TYW1: variants seen among roughly 807,000 people sequenced by gnomAD.
TYW1 encodes the protein S-adenosyl-L-methionine-dependent tRNA 4-demethylwyosine synthase TYW1.
A neutral mutation model predicts 96.2 loss-of-function variants in TYW1; 46 were observed. The ratio of observed to expected loss-of-function variants is 0.48; its 90% CI spans 0.38 to 0.61. TYW1 has a LOEUF of 0.61. Ranked by LOEUF, TYW1 falls within the 20% of genes least tolerant of loss-of-function variation. TYW1 has a pLI of 0.00. For missense variants in TYW1, 684 were observed against 909.6 expected, an observed-to-expected ratio of 0.75 and a Z score of 3.19; for synonymous variants, 274 against 323.0, an observed-to-expected ratio of 0.85 and a Z score of 1.63.
At chr7:67,214,372 T>A (rs188678216) in intron 15 of TYW1, among the ~76,000 whole-genome samples, 1 of 152,190 alleles carries the variant, frequency 6.6e-6, no homozygotes, top group Non-Finnish European at 1.5e-5. Flanking sequence ...CTATAATCAC[T>A]TGTTAGTTCC....
chr7:67,001,040 T>C lies in TYW1; in HGVS notation c.273+2086T>C, dbSNP rs1401034900. 6.6e-5 allele frequency among the ~76,000 whole-genome samples: 10 copies of C among 152,106 alleles called. No individual in the cohort carries two copies. The East Asian group carries it at 1.9e-3, about 29-fold the overall frequency. On this transcript the variant is annotated intron_variant, in intron 3 of 15. Coordinates refer to ENST00000359626, the MANE Select transcript of TYW1 (RefSeq NM_018264.4). Reference sequence around the variant, plus strand: ...CAAAGCAAAGTCCTTTTAATGTTACTTATAAAAAACCTTTTTCAGAGCCTC... The same window carrying C: ...CAAAGCAAAGTCCTTTTAATGTTACCTATAAAAAACCTTTTTCAGAGCCTC...
intron 15 of TYW1, among the ~76,000 whole-genome samples, chr7:67,219,179 G>A (rs1354778631): frequency 1.6e-4 from 24 of 152,098 alleles, no homozygotes; most frequent in Admixed American, 1.6e-3. Context: ...TGTGGTTTTT[G>A]TCCTTCATTC....
intron 13 of TYW1, among the ~76,000 whole-genome samples, chr7:67,120,713 A>C (rs1240686653): frequency 6.6e-6 from 1 of 152,344 alleles, no homozygotes; most frequent in African/African-American, 2.4e-5. Flanking sequence ...GATGACAAGG[A>C]AACATTAACA....
At chr7:67,139,203 C>T (rs541760480) in intron 13 of TYW1, among the ~76,000 whole-genome samples, 10 of 152,216 alleles carry the variant, frequency 6.6e-5, no homozygotes, top group African/African-American at 2.4e-4. Flanking sequence ...AGGTGCACGC[C>T]GCCACACCCG....
chr7:67,130,294 T>TC (rs1798027918), intron 13 of TYW1, among the ~76,000 whole-genome samples: 1 of 151,810 alleles, frequency 6.6e-6, no homozygotes, highest in African/African-American at 2.4e-5. Context: ...GGCAGGAGAA[T>TC]CACCTGAACC....
chr7:67,011,869 G>A (rs12540917), intron 4 of TYW1, among the ~76,000 whole-genome samples: 55,507 of 144,448 alleles, frequency 0.38, 10,886 homozygotes, highest in Middle Eastern at 0.53. Context: ...GCAAATCTCC[G>A]TCTCAAAAAA....
intron 12 of TYW1, 88 bp downstream of exon 12, chr7:67,098,806 G>A (rs963342120): frequency 6.7e-5 from 89 of 1,334,180 alleles, no homozygotes; most frequent in Non-Finnish European, 1.1e-5. Flanking sequence ...AATCAAATAG[G>A]ATTTATTGAT....
chr7:67,106,927 C>G lies in TYW1; in HGVS notation c.1562+8209C>G, dbSNP rs539299480. Among the ~76,000 whole-genome samples, 79 of 152,320 alleles carry G rather than the reference C, an allele frequency of 5.2e-4. 1 individual carries two copies. Among genetic ancestry groups the G allele is most frequent in the Admixed American group, 4.0e-3 (61 of 15,292 alleles). The stretch of plus-strand genomic sequence containing the variant: ...CAAATTTCATCCCTGTGTACGTTTA[C>G]TTTCGAACACCTTTTCATTGAAACT... On this transcript the variant is annotated intron_variant, in intron 12 of 15. Transcript: ENST00000359626.
chr7:67,191,589 A>G lies in TYW1; in HGVS notation c.1810-3581A>G, dbSNP rs181846614. On this transcript the variant is annotated intron_variant, in intron 14 of 15. Coordinates refer to ENST00000359626, the MANE Select transcript of TYW1 (RefSeq NM_018264.4). The stretch of plus-strand genomic sequence containing the variant: ...GTGAGAGTGGGTGAGAAGGTGGCAG[A>G]CAGCTGTGATATGAAGGGAAAGTTT... Among the ~76,000 whole-genome samples the G allele has an allele frequency of 3.4e-5, 5 of 145,108 alleles. No individual in the cohort carries two copies. In the East Asian group the frequency reaches 9.7e-4, roughly 28 times the overall value.
chr7:67,157,249 AC>A (rs1799011776), intron 13 of TYW1, among the ~76,000 whole-genome samples: 1 of 152,196 alleles, frequency 6.6e-6, no homozygotes, highest in African/African-American at 2.4e-5. Flanking sequence ...GTTTTACATT[AC>A]TATGGTACAT....
intron 15 of TYW1, among the ~76,000 whole-genome samples, chr7:67,221,539 A>G (rs1801391007): frequency 1.3e-5 from 2 of 152,152 alleles, no homozygotes. Flanking sequence ...GTTATTTCTC[A>G]TATGCCTTAC....
intron 12 of TYW1, among the ~76,000 whole-genome samples, chr7:67,111,568 C>T (rs929491208): frequency 6.6e-6 from 1 of 152,140 alleles, no homozygotes; most frequent in Non-Finnish European, 1.5e-5. Context: ...TCACTAAAGT[C>T]TCTCAGAGAC....
intron 13 of TYW1, among the ~76,000 whole-genome samples, chr7:67,177,826 G>A (rs533542662): frequency 0.037 from 5,562 of 151,496 alleles, 225 homozygotes; most frequent in African/African-American, 0.13. Flanking sequence ...CCATATTTAG[G>A]TAGATCCTAG....
rs767856569 is a variant in TYW1, at chr7:67,098,547, C to T, written c.1391C>T (p.Pro464Leu). 93 of 1,577,724 alleles carry T rather than the reference C, an allele frequency of 5.9e-5. No individual in the cohort carries two copies. The highest frequency in any genetic ancestry group is 5.1e-4 in the Admixed American group (28 of 55,406). ...TTCTCACTGTATTCTCCAGGAGTACCGGGCGTCAAAGCAGAACGCTTTGAA... is the reference window on the plus strand; with the variant it reads ...TTCTCACTGTATTCTCCAGGAGTACTGGGCGTCAAAGCAGAACGCTTTGAA... ...QNMIKQFKGV[P>L]GVKAERFEEG... is the part of the protein sequence containing the mutation. The change falls in exon 12 of 16, where the codon CCG becomes CTG. Residue 464 changes from proline to leucine, a missense_variant. By Grantham distance (98) the Pro-to-Leu change is moderately conservative. Coordinates refer to ENST00000359626, the MANE Select transcript of TYW1 (RefSeq NM_018264.4).
At chr7:67,055,261 G>T (rs1346250339) in intron 8 of TYW1, among the ~76,000 whole-genome samples, 3 of 152,140 alleles carry the variant, frequency 2.0e-5, no homozygotes, top group Non-Finnish European at 4.4e-5. Context: ...ATCTGTTAGA[G>T]ACAGAGAGGT....
In TYW1 at chr7:67,081,621, C is replaced by T. The variant is rs1796395066; in HGVS notation, c.1275-1809C>T. The stretch of plus-strand genomic sequence containing the variant: ...TTCATGTAATGGTGTCCCATCATTC[C>T]TGTAGGCTTTTTTTCCTACGCCTCC... On this transcript the variant is annotated intron_variant, in intron 10 of 15. Coordinates refer to ENST00000359626, the MANE Select transcript of TYW1 (RefSeq NM_018264.4). 4.0e-5 allele frequency among the ~76,000 whole-genome samples: 6 copies of T among 151,868 alleles called. No individual in the cohort carries two copies. The South Asian group carries it at 8.3e-4, about 21-fold the overall frequency.
At chr7:67,215,758 A>C (rs969683365) in intron 15 of TYW1, among the ~76,000 whole-genome samples, 1 of 152,094 alleles carries the variant, frequency 6.6e-6, no homozygotes, top group Non-Finnish European at 1.5e-5. Flanking sequence ...ATGAGTCCCA[A>C]ACCTGAAGAA....
chr7:67,057,707 C>T (rs969416297), intron 9 of TYW1, among the ~76,000 whole-genome samples: 2 of 152,078 alleles, frequency 1.3e-5, no homozygotes, highest in Non-Finnish European at 2.9e-5. Context: ...GCTGTTTATA[C>T]TTGTGAAATG....
chr7:67,224,370 G>A (rs1183855579), intron 15 of TYW1, among the ~76,000 whole-genome samples: 3 of 152,148 alleles, frequency 2.0e-5, no homozygotes, highest in Non-Finnish European at 4.4e-5. Context: ...CAAGTGATCC[G>A]CCTGCCTTGG....
Sources: gnomAD v4.1 joint callset for allele counts (sites outside exome capture counted in the v4.1 genomes callset) on GRCh38, gnomAD v4.1.1 for gene constraint, MANE v1.5 for transcripts, NCBI Gene and HGNC (gene_info 2026-07-23, HGNC 2026-07-21) for gene names.